The following PODXL2 variants were observed in gnomAD, a reference collection of about 807,000 sequenced individuals.
PODXL2 encodes podocalyxin-like protein 2.
A neutral mutation model predicts 53.4 loss-of-function variants in PODXL2; 17 were observed. The observed-to-expected ratio is 0.32, with a 90% confidence interval of 0.22 to 0.48. PODXL2 has a LOEUF of 0.48. Ranked by LOEUF, PODXL2 falls within the 20% of genes least tolerant of loss-of-function variation. The pLI is 0.99. For missense variants in PODXL2, 673 were observed against 760.0 expected (o/e 0.89, Z 1.35); for synonymous variants, 311 against 306.7 (o/e 1.01, Z -0.15).
chr3:127,671,320 C>A, intron 6 of PODXL2, 114 bp from the exon 7 acceptor site: 2 of 929,430 alleles, frequency 2.2e-6, no homozygotes, highest in Non-Finnish European at 3.3e-6. Flanking sequence ...GCCGGGAGTG[C>A]CAGCACCTTC....
chr3:127,637,870 C>A (rs2074588338), intron 1 of PODXL2, among the ~76,000 whole-genome samples: 1 of 152,142 alleles, frequency 6.6e-6, no homozygotes, highest in African/African-American at 2.4e-5. Flanking sequence ...TGGCCAGTCA[C>A]AGTATTGGCA....
intron 2 of PODXL2, among the ~76,000 whole-genome samples, chr3:127,653,743 T>TG (rs748456673): frequency 2.0e-5 from 3 of 152,214 alleles, no homozygotes; most frequent in Admixed American, 6.5e-5. Flanking sequence ...ACAGAAAAGT[T>TG]GCAAGAATAA....
intron 6 of PODXL2, among the ~76,000 whole-genome samples, chr3:127,670,840 C>T (rs2074827433): frequency 6.6e-6 from 1 of 152,250 alleles, no homozygotes; most frequent in Non-Finnish European, 1.5e-5. Context: ...CTGACCATGA[C>T]AACCTGCAGC....
At chr3:127,656,734 CAAAAAAAAAAAAAA>C (rs71150487) in intron 2 of PODXL2, among the ~76,000 whole-genome samples, 3,015 of 28,178 alleles carry the variant, frequency 0.11, 80 homozygotes, top group Admixed American at 0.28. Context: ...GACTCCATCT[CAAAAAAAAAAAAAA>C]AAAAAAAAAA....
intron 1 of PODXL2, among the ~76,000 whole-genome samples, chr3:127,630,768 T>C (rs1409499016): frequency 1.3e-5 from 2 of 152,202 alleles, no homozygotes; most frequent in African/African-American, 4.8e-5. Flanking sequence ...TGTCCATCAG[T>C]GTTGGCTCAG....
In PODXL2 at chr3:127,672,761, GGACTCAATTAAACCCGCCCGGA is replaced by G; in HGVS notation, c.*285_*306del. The G allele has an allele frequency of 2.5e-6, 1 of 396,494 alleles. No homozygotes were observed. The highest frequency in any genetic ancestry group is 4.4e-6 in the Non-Finnish European group (1 of 227,950). 24.6% of individuals were successfully genotyped at this position (396,494 alleles called of 1,614,324 possible). ...GGCGGGCGGCGCTTCCTGCGCCCCG[GGACTCAATTAAACCCGCCCGGA>G]GACCACGCCGGGCCCAGCGCGTCTG... On this transcript the variant is annotated 3_prime_UTR_variant, in exon 8 of 8. Coordinates refer to ENST00000342480, the MANE Select transcript of PODXL2 (RefSeq NM_015720.4).
At chr3:127,644,109 T>C (rs965272543) in intron 2 of PODXL2, among the ~76,000 whole-genome samples, 2 of 152,118 alleles carry the variant, frequency 1.3e-5, no homozygotes, top group Non-Finnish European at 2.9e-5. Context: ...AGAAATGATA[T>C]TTTGTTGCTG....
intron 2 of PODXL2, among the ~76,000 whole-genome samples, chr3:127,649,961 T>C (rs1470245458): frequency 6.6e-6 from 1 of 152,222 alleles, no homozygotes; most frequent in Non-Finnish European, 1.5e-5. Context: ...TTTTAAGTTA[T>C]ACTAAAACGT....
intron 1 of PODXL2, among the ~76,000 whole-genome samples, chr3:127,633,029 C>T (rs1288587935): frequency 6.6e-6 from 1 of 152,142 alleles, no homozygotes; most frequent in Non-Finnish European, 1.5e-5. Context: ...ATAGATGAAA[C>T]ATTTCCAAAC....
intron 1 of PODXL2, 105 bp from the exon 2 acceptor site, chr3:127,639,140 C>CA: frequency 3.4e-6 from 4 of 1,166,472 alleles, no homozygotes; most frequent in Non-Finnish European, 4.8e-6. Flanking sequence ...CCACTGAAGT[C>CA]CCCCCTTCCC....
chr3:127,631,146 A>G (rs528149650), intron 1 of PODXL2, among the ~76,000 whole-genome samples: 1 of 152,170 alleles, frequency 6.6e-6, no homozygotes, highest in South Asian at 2.1e-4. Flanking sequence ...TCAGGTGCTT[A>G]CAGAGTGGAG....
In PODXL2 at chr3:127,629,313, G is replaced by T; in HGVS notation, c.70+24G>T. 1 of 1,013,710 alleles carries T rather than the reference G, an allele frequency of 9.9e-7. No individual in the cohort carries two copies. 62.8% of individuals were successfully genotyped at this position (1,013,710 alleles called of 1,614,324 possible). ...GGGTGAGTGCGCTCCGGGCCCGAGCGCGGGAGGGCGGGCGGCGGCGTGGGC... is the reference window on the plus strand; with the variant it reads ...GGGTGAGTGCGCTCCGGGCCCGAGCTCGGGAGGGCGGGCGGCGGCGTGGGC... On this transcript the variant is annotated intron_variant, in intron 1 of 7. Coordinates refer to ENST00000342480, the MANE Select transcript of PODXL2 (RefSeq NM_015720.4). The surrounding 1 kb of genome is among the most constrained non-coding windows in gnomAD (Gnocchi z 6.4).
In PODXL2 at chr3:127,668,558, A is replaced by G. The variant is rs1040422043; in HGVS notation, c.1324A>G (p.Lys442Glu). Residue 442 changes from lysine (K) to glutamate (E), a missense_variant, in exon 5 of 8, where the codon AAG becomes GAG. Around this residue, in one of 3 missense-constraint regions of PODXL2, gnomAD observed 588 missense variants for 668.3 expected, o/e 0.88. Coordinates refer to ENST00000342480, the MANE Select transcript of PODXL2 (RefSeq NM_015720.4). ...WHISLSKPSE[K>E]EQHLLMTLVG... ...CATCTCTCTGAGCAAGCCCAGCGAGAAGGAGCAGCACCTTCTCATGACACT... is the reference window on the plus strand; with the variant it reads ...CATCTCTCTGAGCAAGCCCAGCGAGGAGGAGCAGCACCTTCTCATGACACT... 1.3e-6 allele frequency: 2 copies of G among 1,574,120 alleles called. No homozygotes were observed. Among genetic ancestry groups the G allele is most frequent in the Non-Finnish European group, 1.7e-6 (2 of 1,159,536 alleles).
Position 127,660,625 on chromosome 3 carries a change from C to T in PODXL2, c.597C>T (p.Ala199=). Residue 199 remains alanine (A), a synonymous_variant, in exon 3 of 8, where the codon GCC becomes GCT. Transcript: ENST00000342480. ...CTGTGAATGGATCCCAAGAAGAAGC[C>T]AAGCCTCAGGTCCGTGACTTTTCTC... ...LLPVNGSQEE[A]KPQVRDFSLT... 2 of 1,614,164 alleles carry T rather than the reference C, an allele frequency of 1.2e-6. No individual in the cohort carries two copies. The highest frequency in any genetic ancestry group is 2.7e-5 in the African/African-American group (2 of 75,026).
chr3:127,672,197 A>C, intron 7 of PODXL2, 71 bp from the exon 8 acceptor site: 1 of 1,345,406 alleles, frequency 7.4e-7, no homozygotes, highest in Non-Finnish European at 1.0e-6. Context: ...GGGGTTGCAC[A>C]GACGGCCGCG....
In PODXL2 at chr3:127,629,848, G is replaced by A. The variant is rs1253772071; in HGVS notation, c.70+559G>A. 6.6e-6 allele frequency among the ~76,000 whole-genome samples: 1 copy of A among 152,142 alleles called. No individual in the cohort carries two copies. The highest frequency in any genetic ancestry group is 1.5e-5 in the Non-Finnish European group (1 of 68,030). Reference sequence around the variant, plus strand: ...TGAATGGGTATTCTCTCCTGTTCTGGGCGACTCTATTAGGAGCTGACAAAA... The same window carrying A: ...TGAATGGGTATTCTCTCCTGTTCTGAGCGACTCTATTAGGAGCTGACAAAA... On this transcript the variant is annotated intron_variant, in intron 1 of 7. Transcript: ENST00000342480. The surrounding 1 kb of genome is among the most constrained non-coding windows in gnomAD (Gnocchi z 6.4).
intron 1 of PODXL2, among the ~76,000 whole-genome samples, chr3:127,630,542 G>A (rs554423958): frequency 1.3e-5 from 2 of 152,302 alleles, no homozygotes; most frequent in Admixed American, 6.5e-5. Flanking sequence ...CTAGTGAAGG[G>A]TCTCTATGGG....
In PODXL2 at chr3:127,662,299, G is replaced by A. The variant is rs755958954; in HGVS notation, c.1194G>A (p.Glu398=). 5 of 1,613,740 alleles carry A rather than the reference G, an allele frequency of 3.1e-6. No homozygotes were observed. The highest frequency in any genetic ancestry group is 2.2e-5 in the East Asian group (1 of 44,880). ...ACTACATCATTCTGAACATGACAGA[G>A]AACATAGACTGTGTGAGTGCCCAGC... ...GKNYIILNMT[E]NIDCEVFRQH... is the part of the protein sequence containing the mutation. The change falls in exon 4 of 8, where the codon GAG becomes GAA. Residue 398 remains glutamate (E), a synonymous_variant. Coordinates refer to ENST00000342480, the MANE Select transcript of PODXL2 (RefSeq NM_015720.4).
At chr3:127,638,853 A>G (rs2074595587) in intron 1 of PODXL2, among the ~76,000 whole-genome samples, 1 of 152,258 alleles carries the variant, frequency 6.6e-6, no homozygotes, top group Non-Finnish European at 1.5e-5. Flanking sequence ...TCGTCCAATC[A>G]TACTGCTAGG....
Sources: gnomAD v4.1 joint callset for allele counts (sites outside exome capture counted in the v4.1 genomes callset) on GRCh38, gnomAD v4.1.1 for gene constraint, gnomAD v4.1.1 regional missense constraint, Gnocchi (gnomAD v3.1) non-coding constraint, MANE v1.5 for transcripts, NCBI Gene and HGNC (gene_info 2026-07-23, HGNC 2026-07-21) for gene names.